ZFYVE9: variants seen among roughly 807,000 people sequenced by gnomAD.
ZFYVE9 encodes the protein zinc finger FYVE domain-containing protein 9.
In ZFYVE9, 43 loss-of-function variants were observed where a neutral mutation model predicts 126.7. The observed-to-expected ratio is 0.34, with a 90% confidence interval of 0.27 to 0.44. The LOEUF is 0.44. Ranked by LOEUF, ZFYVE9 falls within the 20% of genes least tolerant of loss-of-function variation. ZFYVE9 has a pLI of 1.00. For synonymous variants in ZFYVE9, 521 were observed against 597.4 expected (o/e 0.87, Z 1.87); for missense variants, 1,476 against 1,697.0 (o/e 0.87, Z 2.29).
At chr1:52,290,051 CTG>C (rs916173360) in intron 10 of ZFYVE9, among the ~76,000 whole-genome samples, 1 of 152,176 alleles carries the variant, frequency 6.6e-6, no homozygotes, top group Non-Finnish European at 1.5e-5. Flanking sequence ...AAACATTACA[CTG>C]TGTCTTAGTC....
intron 13 of ZFYVE9, among the ~76,000 whole-genome samples, chr1:52,315,980 A>G (rs972799984): frequency 6.6e-6 from 1 of 152,074 alleles, no homozygotes; most frequent in African/African-American, 2.4e-5. Flanking sequence ...AGCCTGGCCA[A>G]CATGGCAAAA....
intron 1 of ZFYVE9, among the ~76,000 whole-genome samples, chr1:52,187,438 A>G (rs1387119780): frequency 6.6e-6 from 1 of 152,266 alleles, no homozygotes; most frequent in East Asian, 1.9e-4. Context: ...ACCAAAAGCC[A>G]TTGCAACAAA....
At chr1:52,269,299 T>C (rs542134207) in intron 7 of ZFYVE9, among the ~76,000 whole-genome samples, 1 of 151,906 alleles carries the variant, frequency 6.6e-6, no homozygotes, top group African/African-American at 2.4e-5. Flanking sequence ...CAGGCTAATT[T>C]TTGTATTTTT....
chr1:52,180,790 A>G (rs1644691770), intron 1 of ZFYVE9, among the ~76,000 whole-genome samples: 1 of 151,768 alleles, frequency 6.6e-6, no homozygotes, highest in African/African-American at 2.4e-5. Context: ...AGCCTTACCA[A>G]CATGGAGAAA....
intron 1 of ZFYVE9, among the ~76,000 whole-genome samples, chr1:52,152,529 T>C (rs896680590): frequency 6.6e-6 from 1 of 152,222 alleles, no homozygotes; most frequent in Non-Finnish European, 1.5e-5. Flanking sequence ...AATCTAGCTT[T>C]TTTTCTAGTA....
At chr1:52,173,849 T>G (rs539963404) in intron 1 of ZFYVE9, among the ~76,000 whole-genome samples, 183 of 152,256 alleles carry the variant, frequency 1.2e-3, no homozygotes, top group African/African-American at 4.3e-3. Context: ...GGTGGTGATA[T>G]CCCCTTTATA....
intron 1 of ZFYVE9, among the ~76,000 whole-genome samples, chr1:52,159,339 G>C (rs1017659310): frequency 4.6e-5 from 7 of 152,166 alleles, no homozygotes; most frequent in Admixed American, 3.3e-4. Flanking sequence ...TCTGGTACCA[G>C]CTGTGCCAGT....
chr1:52,228,972 C>T (rs1346821712), intron 2 of ZFYVE9, among the ~76,000 whole-genome samples: 1 of 151,806 alleles, frequency 6.6e-6, no homozygotes, highest in African/African-American at 2.4e-5. Flanking sequence ...TCACTGTAAC[C>T]TCGAACTCCT....
intron 2 of ZFYVE9, among the ~76,000 whole-genome samples, chr1:52,218,385 G>C (rs188870080): frequency 3.9e-5 from 6 of 152,320 alleles, no homozygotes; most frequent in Non-Finnish European, 8.8e-5. Flanking sequence ...TTTTCCCCTT[G>C]TTGTGAAAGA....
intron 2 of ZFYVE9, among the ~76,000 whole-genome samples, chr1:52,217,826 C>T (rs182875643): frequency 2.0e-4 from 31 of 152,232 alleles, no homozygotes; most frequent in African/African-American, 7.5e-4. Flanking sequence ...AACACTGGAC[C>T]GTGATCATGA....
In ZFYVE9 at chr1:52,142,527, G is replaced by C. The variant is rs1441258881; in HGVS notation, c.-143+124G>C. 6.6e-6 allele frequency: 1 copy of C among 152,134 alleles called. No homozygotes were observed. Among genetic ancestry groups the C allele is most frequent in the Non-Finnish European group, 1.5e-5 (1 of 68,002 alleles). 9.4% of individuals were successfully genotyped at this position (152,134 alleles called of 1,614,324 possible). On this transcript the variant is annotated intron_variant, in intron 1 of 18. Coordinates refer to ENST00000287727, the MANE Select transcript of ZFYVE9 (RefSeq NM_004799.4). This position sits in a 1 kb window ranked among gnomAD's most constrained non-coding sequence, Gnocchi z 4.5. ...ACTGCGGTCGCCTCCCCCACCCTGC[G>C]GTCCTGGGGCCTCAGCCCTTTCTCC...
At chr1:52,241,586 C>T (rs969575215) in intron 4 of ZFYVE9, among the ~76,000 whole-genome samples, 2 of 152,038 alleles carry the variant, frequency 1.3e-5, no homozygotes, top group Non-Finnish European at 1.5e-5. Context: ...AAATGATGCA[C>T]AAAATGCATC....
intron 13 of ZFYVE9, among the ~76,000 whole-genome samples, chr1:52,314,966 G>C (rs1275650011): frequency 6.6e-6 from 1 of 152,014 alleles, no homozygotes; most frequent in African/African-American, 2.4e-5. Flanking sequence ...CGTTTTCTCG[G>C]ATACATATAA....
chr1:52,167,629 C>T (rs1644525948), intron 1 of ZFYVE9, among the ~76,000 whole-genome samples: 1 of 152,130 alleles, frequency 6.6e-6, no homozygotes, highest in Non-Finnish European at 1.5e-5. Context: ...TTACAGGACA[C>T]CCACTTCTCA....
intron 1 of ZFYVE9, among the ~76,000 whole-genome samples, chr1:52,206,974 T>A (rs1644984346): frequency 6.6e-6 from 1 of 152,250 alleles, no homozygotes. Flanking sequence ...GAATTATATA[T>A]ATGTATGTAG....
At chr1:52,252,634 A>G (rs967842820) in intron 4 of ZFYVE9, 7 of 288,882 alleles carry the variant, frequency 2.4e-5, no homozygotes, top group Non-Finnish European at 4.3e-5. Context: ...CTGGAATTAC[A>G]GGCATGAGCC....
At chr1:52,311,105 GTTC>G (rs1423527910) in intron 13 of ZFYVE9, among the ~76,000 whole-genome samples, 1 of 152,108 alleles carries the variant, frequency 6.6e-6, no homozygotes, top group Non-Finnish European at 1.5e-5. Context: ...AGCTCAAGCA[GTTC>G]TTCTGCCTTG....
chr1:52,203,403 G>A (rs1644943539), intron 1 of ZFYVE9, among the ~76,000 whole-genome samples: 2 of 147,576 alleles, frequency 1.4e-5, no homozygotes, highest in Admixed American at 1.4e-4. Context: ...GTCTGGTCTT[G>A]AACTCCTGAC....
chr1:52,270,733 T>C lies in ZFYVE9; in HGVS notation c.2625+2101T>C, dbSNP rs180768000. 1.6e-3 allele frequency among the ~76,000 whole-genome samples: 237 copies of C among 152,276 alleles called. 2 individuals carry two copies. Among genetic ancestry groups the C allele is most frequent in the South Asian group, 0.014 (66 of 4,834 alleles). On this transcript the variant is annotated intron_variant, in intron 7 of 18. Transcript: ENST00000287727. ...TTCTCTCTCTTTTTTAAAGTTTTTA[T>C]ATCATTAATATTTAAGTATTTGGGC...
Sources: gnomAD v4.1 joint callset for allele counts (sites outside exome capture counted in the v4.1 genomes callset) on GRCh38, gnomAD v4.1.1 for gene constraint, Gnocchi (gnomAD v3.1) non-coding constraint, MANE v1.5 for transcripts, NCBI Gene and HGNC (gene_info 2026-07-23, HGNC 2026-07-21) for gene names.